TGS1: variants seen among roughly 807,000 people sequenced by gnomAD.
TGS1 encodes the protein trimethylguanosine synthase.
In TGS1, 69 loss-of-function variants were observed where a neutral mutation model predicts 92.2. The observed-to-expected ratio is 0.75, with a 90% CI of 0.62 to 0.91. The LOEUF (loss-of-function observed/expected upper bound fraction) is 0.91, where lower values mean the gene tolerates loss of function less well. TGS1 is among the 40% of genes least tolerant of loss of function. The pLI is 0.00. For missense variants in TGS1, 1,062 were observed against 1,001.2 expected (o/e 1.06, Z -0.82); for synonymous variants, 345 against 338.1 (o/e 1.02, Z -0.22).
intron 9 of TGS1, among the ~76,000 whole-genome samples, chr8:55,804,178 T>C (rs1585780263): frequency 6.6e-6 from 1 of 152,140 alleles, no homozygotes; most frequent in African/African-American, 2.4e-5. Flanking sequence ...TGGTGGCTCA[T>C]GCCTGTAATC....
chr8:55,793,938 T>C (rs1011312951), intron 6 of TGS1, among the ~76,000 whole-genome samples: 2 of 151,954 alleles, frequency 1.3e-5, no homozygotes, highest in African/African-American at 4.8e-5. Context: ...ATTTTGCTTC[T>C]CTTTGTGTAA....
intron 10 of TGS1, among the ~76,000 whole-genome samples, chr8:55,808,298 A>G (rs1467237734): frequency 1.3e-5 from 2 of 152,160 alleles, no homozygotes; most frequent in Non-Finnish European, 2.9e-5. Flanking sequence ...ACTTTGCCAG[A>G]TAAGCCATTC....
In TGS1 at chr8:55,786,529, T is replaced by G; in HGVS notation, c.631T>G (p.Trp211Gly). Residue 211 changes from tryptophan (W) to glycine (G), a missense_variant, in exon 4 of 13, where the codon TGG becomes GGG. By Grantham distance (184) the Trp-to-Gly change is radical. Coordinates refer to ENST00000260129, the MANE Select transcript of TGS1 (RefSeq NM_024831.8). ...GAATGAATATGGAGGAGGACTATTGTGGCAAAGTTGGCAAGAAAAACATCC... is the reference window on the plus strand; with the variant it reads ...GAATGAATATGGAGGAGGACTATTGGGGCAAAGTTGGCAAGAAAAACATCC... The part of the protein sequence containing the change: ...YWNEYGGGLL[W>G]QSWQEKHPGQ... 1 of 1,614,184 alleles carries G rather than the reference T, an allele frequency of 6.2e-7. No homozygotes were observed. Among genetic ancestry groups the G allele is most frequent in the Non-Finnish European group, 8.5e-7 (1 of 1,180,012 alleles).
intron 3 of TGS1, 101 bp downstream of exon 3, chr8:55,785,992 G>A (rs975397596): frequency 2.8e-4 from 256 of 909,924 alleles, no homozygotes; most frequent in African/African-American, 8.9e-4. Context: ...CACGATCAGC[G>A]CTCTCTACCT....
At chr8:55,810,765 C>T in intron 10 of TGS1, 116 bp from the exon 11 acceptor site, 4 of 823,016 alleles carry the variant, frequency 4.9e-6, no homozygotes, top group Non-Finnish European at 7.8e-6. Context: ...CAAATGTCTC[C>T]TCCTCTTTAT....
rs1811272245 is a variant in TGS1, at chr8:55,773,483, A to AGC, written c.-134_-133dup. The AGC allele has an allele frequency of 3.4e-6, 2 of 595,120 alleles. No individual in the cohort carries two copies. Among genetic ancestry groups the AGC allele is most frequent in the African/African-American group, 3.9e-5 (2 of 51,470 alleles). The allele number at this position is 595,120 out of a possible 1,614,324, so 36.9% of individuals were successfully genotyped here. Reference sequence around the variant, plus strand: ...AGCGTCCGGGCTAGTTCCCGGCGCGAGCGGCCGCGGGCCAGTTTCTATCTC... The same window carrying AGC: ...AGCGTCCGGGCTAGTTCCCGGCGCGAGCGCGGCCGCGGGCCAGTTTCTATCTC... On this transcript the variant is annotated 5_prime_UTR_variant, in exon 1 of 13. Coordinates refer to ENST00000260129, the MANE Select transcript of TGS1 (RefSeq NM_024831.8).
intron 8 of TGS1, among the ~76,000 whole-genome samples, chr8:55,799,907 G>C (rs574346132): frequency 6.6e-6 from 1 of 152,134 alleles, no homozygotes; most frequent in Admixed American, 6.5e-5. Context: ...GTGTGTTTGT[G>C]TGTGTGTGGT....
At chr8:55,789,959 A>G (rs1317405018) in intron 4 of TGS1, 1 of 408,984 alleles carries the variant, frequency 2.4e-6, no homozygotes, top group African/African-American at 2.0e-5. Flanking sequence ...GTATACATGG[A>G]CAGTTTTAGG....
At chr8:55,796,965 T>C (rs1812073117) in intron 7 of TGS1, among the ~76,000 whole-genome samples, 1 of 152,006 alleles carries the variant, frequency 6.6e-6, no homozygotes, top group Non-Finnish European at 1.5e-5. Flanking sequence ...CACTCTAGGC[T>C]GGGAGACAGA....
intron 6 of TGS1, among the ~76,000 whole-genome samples, chr8:55,793,564 T>A (rs1811946132): frequency 6.6e-6 from 1 of 151,878 alleles, no homozygotes; most frequent in African/African-American, 2.4e-5. Context: ...ACACATTTTT[T>A]GTTTGTTTTG....
At chr8:55,810,831 A>G (rs1803317573) in intron 10 of TGS1, 50 bp from the exon 11 acceptor site, 2 of 1,408,420 alleles carry the variant, frequency 1.4e-6, no homozygotes, top group Middle Eastern at 1.8e-4. Flanking sequence ...TATCCTATAT[A>G]AGTAATAATC....
chr8:55,826,110 G>A lies in TGS1; in HGVS notation c.*1407G>A, dbSNP rs1297929310. On this transcript the variant is annotated 3_prime_UTR_variant, in exon 13 of 13. Coordinates refer to ENST00000260129, the MANE Select transcript of TGS1 (RefSeq NM_024831.8). ...TGTGATCCAACCACCTCAGCCTCCCGTAGTTCTGGGATTACAGGCGTGAGC... is the reference window on the plus strand; with the variant it reads ...TGTGATCCAACCACCTCAGCCTCCCATAGTTCTGGGATTACAGGCGTGAGC... Among the ~76,000 whole-genome samples the A allele has an allele frequency of 3.3e-5, 5 of 151,978 alleles. No homozygotes were observed. Among genetic ancestry groups the A allele is most frequent in the African/African-American group, 9.7e-5 (4 of 41,370 alleles).
chr8:55,790,304 G>C lies in TGS1; in HGVS notation c.1280+5G>C. ...GCCAAGCAAACTGAAGAGGAGGTAA[G>C]TTACATGAGACCCCTCTCACCAGAG... On this transcript the variant is annotated splice_donor_5th_base_variant and intron_variant, in intron 5 of 12. Coordinates refer to ENST00000260129, the MANE Select transcript of TGS1 (RefSeq NM_024831.8). 2.5e-6 allele frequency: 4 copies of C among 1,589,834 alleles called. No individual in the cohort carries two copies. Among genetic ancestry groups the C allele is most frequent in the Non-Finnish European group, 3.5e-6 (4 of 1,158,074 alleles).
intron 10 of TGS1, among the ~76,000 whole-genome samples, chr8:55,809,715 A>C (rs1377995719): frequency 3.9e-5 from 6 of 152,214 alleles, no homozygotes; most frequent in Admixed American, 6.5e-5. Context: ...GATTACAGGC[A>C]TGAGCCACCG....
At chr8:55,812,855 G>A (rs1803374726) in intron 11 of TGS1, among the ~76,000 whole-genome samples, 185 bp from the exon 12 acceptor site, 1 of 152,140 alleles carries the variant, frequency 6.6e-6, no homozygotes. Flanking sequence ...TTGAATTATG[G>A]AGACAATATT....
Position 55,776,102 on chromosome 8 carries a change from C to G in TGS1, c.101+2383C>G, listed in dbSNP as rs111338420. Among the ~76,000 whole-genome samples the G allele has an allele frequency of 4.7e-3, 710 of 152,120 alleles. 3 individuals are homozygous for G. The highest frequency in any genetic ancestry group is 0.027 in the Middle Eastern group (8 of 294). On this transcript the variant is annotated intron_variant, in intron 1 of 12. Coordinates refer to ENST00000260129, the MANE Select transcript of TGS1 (RefSeq NM_024831.8). ...CCAGGAGCATCGGCAAGACTCCTGT[C>G]TCAAGAGCCGAGCAACCCGAGCGAG...
At chr8:55,792,270 ATT>A (rs928860873) in intron 5 of TGS1, among the ~76,000 whole-genome samples, 2 of 151,942 alleles carry the variant, frequency 1.3e-5, no homozygotes, top group African/African-American at 4.8e-5. Flanking sequence ...CTTTTTAGTA[ATT>A]TTTTTCTTTT....
At position 55,794,936 on chromosome 8, in the gene TGS1, A is replaced by G. The variant is rs2130164406; in HGVS notation, c.1368-1042A>G. On this transcript the variant is annotated intron_variant, in intron 6 of 12. Transcript: ENST00000260129. ...AATCAGCAAGAAAGGGACACGAGGA[A>G]TGTCTCAAAATTGAATTGAATTCAA... Among the ~76,000 whole-genome samples the G allele has an allele frequency of 1.3e-5, 2 of 152,318 alleles. 1 individual carries two copies. The highest frequency in any genetic ancestry group is 4.1e-4 in the South Asian group (2 of 4,830).
rs759039663 is a variant in TGS1, at chr8:55,802,475, A to G, written c.1868A>G (p.Lys623Arg). 13 of 1,613,496 alleles carry G rather than the reference A, an allele frequency of 8.1e-6. No homozygotes were observed. The highest frequency in any genetic ancestry group is 1.6e-4 in the Middle Eastern group (1 of 6,082). Residue 623 changes from lysine to arginine, a missense_variant, in exon 9 of 13, where the codon AAG becomes AGG. Physicochemically the swap from Lys to Arg is conservative, Grantham distance 26. Coordinates refer to ENST00000260129, the MANE Select transcript of TGS1 (RefSeq NM_024831.8). ...ATTTTAGCTGAAGTGAAAAAGAAGA[A>G]GAACAAGAAGAAGAACAAAAAGGTG... Reference protein sequence around the residue: ...AETEAEVKKKKNKKKNKKVNG... With the variant: ...AETEAEVKKKRNKKKNKKVNG...
Sources: allele counts gnomAD v4.1 joint callset (sites outside exome capture counted in the v4.1 genomes callset), GRCh38; gene constraint gnomAD v4.1.1; transcripts MANE v1.5; gene names NCBI Gene and HGNC (gene_info 2026-07-23, HGNC 2026-07-21).